Variants in ZNF503 observed in about 807,000 individuals in gnomAD.
ZNF503 encodes the protein NocA-like zinc finger 2.
Under a neutral mutation model 34.4 loss-of-function variants are expected in ZNF503, and 15 were observed. The observed-to-expected ratio is 0.44, with a 90% confidence interval of 0.29 to 0.67. The LOEUF is 0.67. Ranked by LOEUF, ZNF503 falls within the 30% of genes least tolerant of loss-of-function variation. ZNF503 has a pLI of 0.13. For synonymous variants in ZNF503, 580 were observed against 456.8 expected, an observed-to-expected ratio of 1.27 and a Z score of -3.44; for missense variants, 1,007 against 926.8, an observed-to-expected ratio of 1.09 and a Z score of -1.12.
the ZNF503 span, among the ~76,000 whole-genome samples, chr10:75,368,688 G>T: frequency 5.9e-5 from 9 of 152,310 alleles, no homozygotes; most frequent in African/African-American, 2.2e-4. Context: ...CAGGGGTAAG[G>T]CTCACAGAGA....
chr10:75,346,364 G>T, the ZNF503 span, among the ~76,000 whole-genome samples: 1 of 151,876 alleles, frequency 6.6e-6, no homozygotes, highest in Non-Finnish European at 1.5e-5. Context: ...TTGAACAAGG[G>T]CTCCCTCTTT....
chr10:75,373,389 C>T, the ZNF503 span: 1 of 152,270 alleles, frequency 6.6e-6, no homozygotes, highest in African/African-American at 2.4e-5. Flanking sequence ...AGTTTCCTTA[C>T]AGATATATCT....
At chr10:75,330,665 C>T in the ZNF503 span, among the ~76,000 whole-genome samples, 1 of 151,548 alleles carries the variant, frequency 6.6e-6, no homozygotes, top group East Asian at 1.9e-4. Context: ...CTCTAATGAT[C>T]CTTTGTATTT....
the ZNF503 span, among the ~76,000 whole-genome samples, chr10:75,360,316 T>C: frequency 6.6e-6 from 1 of 151,954 alleles, no homozygotes; most frequent in African/African-American, 2.4e-5. Flanking sequence ...TTAGTAGAGA[T>C]GGGGTTTCGC....
chr10:75,368,537 A>G, the ZNF503 span, among the ~76,000 whole-genome samples: 1 of 152,360 alleles, frequency 6.6e-6, no homozygotes, highest in African/African-American at 2.4e-5. Flanking sequence ...GAAGGAAAAT[A>G]AGACATATGA....
At chr10:75,357,471 T>C in the ZNF503 span, among the ~76,000 whole-genome samples, 1 of 152,132 alleles carries the variant, frequency 6.6e-6, no homozygotes, top group Non-Finnish European at 1.5e-5. Context: ...AGAGCCACGA[T>C]GGCATCACTG....
the ZNF503 span, among the ~76,000 whole-genome samples, chr10:75,282,840 G>A: frequency 2.6e-5 from 4 of 152,290 alleles, no homozygotes; most frequent in South Asian, 8.3e-4. Context: ...GTTGTGGGAA[G>A]GAAGTGAGCT....
the ZNF503 span, among the ~76,000 whole-genome samples, chr10:75,286,215 G>A: frequency 2.0e-5 from 3 of 151,862 alleles, no homozygotes; most frequent in East Asian, 1.9e-4. Context: ...CCCAGGAGGC[G>A]GAGGTTGCAG....
chr10:75,370,491 A>C, the ZNF503 span, among the ~76,000 whole-genome samples: 6 of 152,216 alleles, frequency 3.9e-5, no homozygotes, highest in South Asian at 1.2e-3. Flanking sequence ...TTACATTTAA[A>C]AATTCCCAGC....
chr10:75,319,229 C>T, the ZNF503 span, among the ~76,000 whole-genome samples: 5 of 152,080 alleles, frequency 3.3e-5, no homozygotes, highest in African/African-American at 4.8e-5. Context: ...GCTGGGATTA[C>T]GGGCATGAGC....
the ZNF503 span, among the ~76,000 whole-genome samples, chr10:75,301,333 T>A: frequency 6.6e-6 from 1 of 152,122 alleles, no homozygotes; most frequent in African/African-American, 2.4e-5. Context: ...CTCTGCCTCC[T>A]GGGTTGAAGC....
At chr10:75,345,669 GAAAA>G in the ZNF503 span, among the ~76,000 whole-genome samples, 10 of 146,278 alleles carry the variant, frequency 6.8e-5, no homozygotes, top group Admixed American at 1.4e-4. Flanking sequence ...AAAAGAAAAA[GAAAA>G]AAAAAGAAAG....
chr10:75,392,251 C>T, the ZNF503 span, among the ~76,000 whole-genome samples: 1 of 152,196 alleles, frequency 6.6e-6, no homozygotes, highest in Non-Finnish European at 1.5e-5. Flanking sequence ...CCCTGGTAGG[C>T]ACAGCCCTGT....
the ZNF503 span, among the ~76,000 whole-genome samples, chr10:75,379,950 C>CCA: frequency 6.6e-6 from 1 of 152,156 alleles, no homozygotes; most frequent in Non-Finnish European, 1.5e-5. Flanking sequence ...GGGGTGCACG[C>CCA]CACACACCCA....
chr10:75,396,970 C>T (rs1010831111), downstream of ZNF503, among the ~76,000 whole-genome samples: 1 of 152,204 alleles, frequency 6.6e-6, no homozygotes, highest in Non-Finnish European at 1.5e-5. This position sits in a 1 kb window ranked among gnomAD's most constrained non-coding sequence, Gnocchi z 4.4. Context: ...GACCCAGACT[C>T]CCGCCGCGCT....
chr10:75,400,977 C>T (rs970531951), intron 1 of ZNF503, 128 bp downstream of exon 1: 3 of 1,361,024 alleles, frequency 2.2e-6, no homozygotes, highest in South Asian at 2.6e-5. Context: ...GAAGCAGTAG[C>T]CTCTTCCCCC....
chr10:75,399,500 G>GCCGCCGCCAGCT lies in ZNF503; in HGVS notation c.1178_1189dup (p.Ala396_Ala397insGluLeuAlaAla). The stretch of plus-strand genomic sequence containing the variant: ...ACTGCAGCCCAGAGACCCGGCCGCG[G>GCCGCCGCCAGCT]CCGCCGCCAGCTGCGCCCCCACCAG... On this transcript the variant is annotated inframe_insertion, in exon 2 of 2. Coordinates refer to ENST00000372524, the MANE Select transcript of ZNF503 (RefSeq NM_032772.6). 1 of 1,568,900 alleles carries GCCGCCGCCAGCT rather than the reference G, an allele frequency of 6.4e-7. No homozygotes were observed. The highest frequency in any genetic ancestry group is 1.3e-5 in the African/African-American group (1 of 74,212).
At chr10:75,379,756 C>T in the ZNF503 span, among the ~76,000 whole-genome samples, 1 of 152,220 alleles carries the variant, frequency 6.6e-6, no homozygotes, top group Non-Finnish European at 1.5e-5. Flanking sequence ...ACAGTGAAGT[C>T]ACTGTTTTTG....
chr10:75,299,822 G>A, the ZNF503 span, among the ~76,000 whole-genome samples: 1 of 152,122 alleles, frequency 6.6e-6, no homozygotes, highest in African/African-American at 2.4e-5. Flanking sequence ...GTGTGAATAG[G>A]GTGTGGGTCA....
Sources: gnomAD v4.1 joint callset for allele counts (sites outside exome capture counted in the v4.1 genomes callset) on GRCh38, gnomAD v4.1.1 for gene constraint, Gnocchi (gnomAD v3.1) non-coding constraint, MANE v1.5 for transcripts, NCBI Gene and HGNC (gene_info 2026-07-23, HGNC 2026-07-21) for gene names.